Variants in VEPH1 observed in about 807,000 individuals in gnomAD.
The protein encoded by VEPH1 is ventricular zone expressed PH domain containing 1.
In VEPH1, 80 loss-of-function variants were observed where a neutral mutation model predicts 85.2. That is an observed-to-expected ratio of 0.94 (90% CI 0.78 to 1.13). The LOEUF is 1.13. Ranked by LOEUF, VEPH1 falls within the 50% of genes most tolerant of loss-of-function variation. The probability of loss-of-function intolerance (pLI) is 0.00; values close to 1 mark genes in which losing one functional copy is unlikely to be tolerated. For missense variants in VEPH1, 955 were observed against 980.5 expected, an observed-to-expected ratio of 0.97 and a Z score of 0.35; for synonymous variants, 297 against 348.0, an observed-to-expected ratio of 0.85 and a Z score of 1.63.
chr3:157,365,154 T>C (rs1250033048), intron 7 of VEPH1, among the ~76,000 whole-genome samples: 6 of 152,224 alleles, frequency 3.9e-5, no homozygotes, highest in African/African-American at 1.4e-4. Flanking sequence ...GGATTTCCTC[T>C]GAGGGCTAAC....
chr3:157,498,016 A>G lies in VEPH1; in HGVS notation c.-157-2510T>C, dbSNP rs542099058. Among the ~76,000 whole-genome samples, 19 of 152,370 alleles carry G rather than the reference A, an allele frequency of 1.2e-4. No individual in the cohort carries two copies. The East Asian group carries it at 3.7e-3, about 29-fold the overall frequency. ...AGTGACCAAGAGAAAAATCTCCTGG[A>G]TACTACAAAAAGAAGTTTGGGGAAG... On this transcript the variant is annotated intron_variant, in intron 1 of 13. Transcript: ENST00000362010.
chr3:157,413,502 CT>C, intron 6 of VEPH1: 1 of 985,360 alleles, frequency 1.0e-6, no homozygotes. Flanking sequence ...AGATACAGCT[CT>C]TTTATTGGTT....
chr3:157,426,805 GCTTT>G (rs1034956072), intron 5 of VEPH1, among the ~76,000 whole-genome samples: 1 of 124,914 alleles, frequency 8.0e-6, no homozygotes, highest in African/African-American at 3.1e-5. Context: ...CAAATCTGTT[GCTTT>G]TTTTTTTTTT....
At chr3:157,409,272 G>A (rs1731358229) in intron 6 of VEPH1, among the ~76,000 whole-genome samples, 1 of 152,022 alleles carries the variant, frequency 6.6e-6, no homozygotes, top group Non-Finnish European at 1.5e-5. Flanking sequence ...TTTTTGCTGT[G>A]TTTTGGACAT....
chr3:157,293,283 C>T (rs1425216369), intron 11 of VEPH1, among the ~76,000 whole-genome samples: 2 of 152,160 alleles, frequency 1.3e-5, no homozygotes, highest in Non-Finnish European at 2.9e-5. Context: ...TGCATGAATG[C>T]CATGCATGTG....
intron 9 of VEPH1, among the ~76,000 whole-genome samples, chr3:157,317,621 G>A (rs1720881669): frequency 6.6e-6 from 1 of 152,110 alleles, no homozygotes; most frequent in Non-Finnish European, 1.5e-5. Context: ...GGTTGTGCAG[G>A]GGCCTCAGAG....
intron 3 of VEPH1, among the ~76,000 whole-genome samples, chr3:157,465,535 A>T (rs1736286090): frequency 6.6e-6 from 1 of 152,218 alleles, no homozygotes; most frequent in Admixed American, 6.5e-5. Context: ...TAATTTTCCC[A>T]AGACCACACT....
chr3:157,285,903 AG>A lies in VEPH1; in HGVS notation c.2128+653del, dbSNP rs1258393685. The stretch of plus-strand genomic sequence containing the variant: ...TGTGCCTCAGTTTCCTCATCAGTAA[AG>A]CAGAGATAATGTCAGTATTTTCCTC... On this transcript the variant is annotated intron_variant, in intron 12 of 13. Coordinates refer to ENST00000362010, the MANE Select transcript of VEPH1 (RefSeq NM_001167912.2). Among the ~76,000 whole-genome samples the A allele has an allele frequency of 2.6e-5, 4 of 152,286 alleles. No homozygotes were observed. The East Asian group carries it at 7.7e-4, about 29-fold the overall frequency.
At position 157,364,314 on chromosome 3, in the gene VEPH1, A is replaced by C; in HGVS notation, c.1326T>G (p.Ile442Met). 6.2e-7 allele frequency: 1 copy of C among 1,609,704 alleles called. No individual in the cohort carries two copies. The highest frequency in any genetic ancestry group is 8.5e-7 in the Non-Finnish European group (1 of 1,177,476). ...GQVSKEERKN[I>M]RFNRSKSLAF... ...CAAACGAGTTATACCTGTTAAATCT[A>C]ATGTTTTTTCTTTCTTCTTTAGAAA... The change falls in exon 8 of 14, where the codon ATT becomes ATG. Residue 442 changes from isoleucine to methionine, a missense_variant. By Grantham distance (10) the Ile-to-Met change is conservative. Transcript: ENST00000362010.
At chr3:157,273,778 T>C (rs959174466) in intron 12 of VEPH1, among the ~76,000 whole-genome samples, 1 of 152,266 alleles carries the variant, frequency 6.6e-6, no homozygotes, top group Non-Finnish European at 1.5e-5. Flanking sequence ...ACCTCTTTTA[T>C]TTCAAGAGCA....
At chr3:157,461,895 T>C (rs1735907867) in intron 3 of VEPH1, among the ~76,000 whole-genome samples, 1 of 151,534 alleles carries the variant, frequency 6.6e-6, no homozygotes, top group African/African-American at 2.4e-5. Flanking sequence ...CAAAAATAAT[T>C]AACAATAAAA....
chr3:157,399,874 A>C (rs1187860100), intron 6 of VEPH1, among the ~76,000 whole-genome samples: 1 of 152,124 alleles, frequency 6.6e-6, no homozygotes, highest in African/African-American at 2.4e-5. Context: ...TCTTAGGTAG[A>C]TAATTCTCCA....
intron 4 of VEPH1, chr3:157,437,693 C>T (rs1432959751): frequency 1.3e-6 from 2 of 1,532,740 alleles, no homozygotes; most frequent in Admixed American, 2.0e-5. Context: ...AGGCCGTGCG[C>T]GCCGGGGGCT....
rs186027634 is a variant in VEPH1, at chr3:157,315,242, A to G, written c.1876-1487T>C. On this transcript the variant is annotated intron_variant, in intron 10 of 13. Transcript: ENST00000362010. ...AGAAAAATTTTATTATTATCAAAAT[A>G]AACTATTTCTAGTACTGAATGGGAA... Among the ~76,000 whole-genome samples, 269 of 152,228 alleles carry G rather than the reference A, an allele frequency of 1.8e-3. 2 individuals are homozygous for G. Among genetic ancestry groups the G allele is most frequent in the Middle Eastern group, 0.017 (5 of 294 alleles).
intron 5 of VEPH1, among the ~76,000 whole-genome samples, chr3:157,419,087 T>C: frequency 6.6e-6 from 1 of 152,160 alleles, no homozygotes; most frequent in Non-Finnish European, 1.5e-5. Flanking sequence ...GGGAAAGGAT[T>C]TTCTATTCAA....
intron 9 of VEPH1, among the ~76,000 whole-genome samples, chr3:157,347,434 C>T (rs1724350155): frequency 1.3e-5 from 2 of 152,300 alleles, no homozygotes; most frequent in Non-Finnish European, 2.9e-5. Context: ...ATGCTACCAG[C>T]GCCTGCTACA....
Position 157,470,361 on chromosome 3 carries a change from T to C in VEPH1, c.307A>G (p.Thr103Ala), listed in dbSNP as rs1352736835. ...NLRPFGKDED[T>A]PHAKIASDIM... is the part of the protein sequence containing the mutation. ...TCAGATGCGATTTTTGCATGAGGAG[T>C]GTCTTCGTCTTTCCCAAAGGGTCTC... Residue 103 changes from threonine to alanine, a missense_variant, in exon 3 of 14, where the codon ACT becomes GCT. Coordinates refer to ENST00000362010, the MANE Select transcript of VEPH1 (RefSeq NM_001167912.2). 2 of 1,613,724 alleles carry C rather than the reference T, an allele frequency of 1.2e-6. No homozygotes were observed. Among genetic ancestry groups the C allele is most frequent in the Non-Finnish European group, 1.7e-6 (2 of 1,179,940 alleles).
chr3:157,417,983 A>T (rs1266593189), intron 5 of VEPH1, among the ~76,000 whole-genome samples: 1 of 152,062 alleles, frequency 6.6e-6, no homozygotes, highest in Non-Finnish European at 1.5e-5. Context: ...CTGCATGTGA[A>T]CACCCCAGTC....
intron 6 of VEPH1, among the ~76,000 whole-genome samples, chr3:157,406,993 C>CAAAAAA: frequency 8.3e-6 from 1 of 120,678 alleles, no homozygotes; most frequent in African/African-American, 3.0e-5. Context: ...GTTGGCCTCC[C>CAAAAAA]AAAAAAAAAA....
Sources: allele counts gnomAD v4.1 joint callset (sites outside exome capture counted in the v4.1 genomes callset), GRCh38; gene constraint gnomAD v4.1.1; transcripts MANE v1.5; gene names NCBI Gene and HGNC (gene_info 2026-07-23, HGNC 2026-07-21).